ELMO1: variants seen among roughly 807,000 people sequenced by gnomAD.
ELMO1 encodes the protein engulfment and cell motility 1.
ELMO1 carries 26 observed loss-of-function variants against 98.9 expected under a neutral mutation model. The observed-to-expected ratio is 0.26, with a 90% CI of 0.19 to 0.36. The LOEUF (loss-of-function observed/expected upper bound fraction) is 0.36, where lower values mean the gene tolerates loss of function less well. Among genes scored for constraint, ELMO1 ranks in the 10% least tolerant of loss-of-function variants. The pLI is 1.00. For missense variants in ELMO1, 627 were observed against 935.2 expected (o/e 0.67, Z 4.30); for synonymous variants, 346 against 346.0 (o/e 1.00, Z 0.00).
chr7:37,349,705 C>T (rs1215758196), intron 1 of ELMO1, among the ~76,000 whole-genome samples: 1 of 152,136 alleles, frequency 6.6e-6, no homozygotes, highest in Non-Finnish European at 1.5e-5. Context: ...CTGCCCACCT[C>T]GGCCTCCCCA....
chr7:36,937,701 T>G (rs542885809), intron 16 of ELMO1, among the ~76,000 whole-genome samples: 2 of 152,368 alleles, frequency 1.3e-5, no homozygotes, highest in East Asian at 3.9e-4. Context: ...CAATAGTGTA[T>G]GCTACTGCTA....
intron 16 of ELMO1, among the ~76,000 whole-genome samples, chr7:36,937,218 G>A (rs961587748): frequency 1.3e-5 from 2 of 152,204 alleles, no homozygotes; most frequent in African/African-American, 2.4e-5. Flanking sequence ...AATTAGTTAC[G>A]ATGCAGTCAT....
chr7:37,234,229 G>T (rs527267640), intron 7 of ELMO1, among the ~76,000 whole-genome samples: 8 of 152,180 alleles, frequency 5.3e-5, no homozygotes, highest in Non-Finnish European at 7.4e-5. Context: ...AATAAAGTTG[G>T]TTATATAGAT....
chr7:36,910,834 C>A (rs1784296396), intron 16 of ELMO1, among the ~76,000 whole-genome samples: 1 of 152,154 alleles, frequency 6.6e-6, no homozygotes, highest in African/African-American at 2.4e-5. Context: ...ACACGTGGTG[C>A]CTCCCTGGCT....
chr7:37,173,117 TAATAA>T (rs1790281331), intron 13 of ELMO1, among the ~76,000 whole-genome samples: 1 of 152,258 alleles, frequency 6.6e-6, no homozygotes, highest in Admixed American at 6.5e-5. Flanking sequence ...TTAATCTGCC[TAATAA>T]AATGTTTATA....
At chr7:37,260,706 G>A (rs754095463) in intron 5 of ELMO1, among the ~76,000 whole-genome samples, 13 of 152,084 alleles carry the variant, frequency 8.5e-5, no homozygotes, top group Non-Finnish European at 1.9e-4. Flanking sequence ...GATGTGGCAG[G>A]TCTCCCATTT....
chr7:36,919,366 T>C (rs1469469654), intron 16 of ELMO1: 1 of 532,616 alleles, frequency 1.9e-6, no homozygotes, highest in Admixed American at 1.9e-5. Context: ...AGGCTATCCC[T>C]GACAAATTCC....
At chr7:37,048,401 T>C (rs1308785390) in intron 15 of ELMO1, among the ~76,000 whole-genome samples, 1 of 152,260 alleles carries the variant, frequency 6.6e-6, no homozygotes. Flanking sequence ...TTACATTATA[T>C]AACTGATTCC....
intron 16 of ELMO1, among the ~76,000 whole-genome samples, chr7:36,966,480 A>G (rs925947931): frequency 2.6e-5 from 4 of 152,254 alleles, no homozygotes; most frequent in African/African-American, 9.6e-5. Flanking sequence ...TTCTCGAAGC[A>G]GAAGCAGCAA....
At chr7:36,909,436 TG>T (rs1295558523) in intron 16 of ELMO1, among the ~76,000 whole-genome samples, 1 of 152,216 alleles carries the variant, frequency 6.6e-6, no homozygotes, top group Non-Finnish European at 1.5e-5. Context: ...TGTCTGCTGA[TG>T]GGGCAGGCAG....
At chr7:37,292,789 T>G (rs1303503638) in intron 4 of ELMO1, among the ~76,000 whole-genome samples, 6 of 58,112 alleles carry the variant, frequency 1.0e-4, no homozygotes, top group African/African-American at 1.7e-4. Context: ...GGGAGGGAGG[T>G]GGGGGGGTCA....
At position 37,225,445 on chromosome 7, in the gene ELMO1, C is replaced by T. The variant is rs1793813607; in HGVS notation, c.550-415G>A. 3.3e-5 allele frequency among the ~76,000 whole-genome samples: 5 copies of T among 152,192 alleles called. No homozygotes were observed. The South Asian group carries it at 1.0e-3, about 32-fold the overall frequency. The stretch of plus-strand genomic sequence containing the variant: ...TGCATTCCCAGGCTACTCCTTCATC[C>T]ACACAATCCATGGCTTTTATATGCT... On this transcript the variant is annotated intron_variant, in intron 8 of 21. Coordinates refer to ENST00000310758, the MANE Select transcript of ELMO1 (RefSeq NM_014800.11).
At chr7:36,942,670 G>T (rs766232870) in intron 16 of ELMO1, among the ~76,000 whole-genome samples, 7 of 152,222 alleles carry the variant, frequency 4.6e-5, no homozygotes, top group Non-Finnish European at 8.8e-5. Flanking sequence ...CTTTAAGAAA[G>T]CACTTGCTTT....
chr7:37,047,613 G>A (rs1055534071), intron 15 of ELMO1, among the ~76,000 whole-genome samples: 7 of 152,276 alleles, frequency 4.6e-5, no homozygotes, highest in South Asian at 2.1e-4. Flanking sequence ...TGACTGGGTC[G>A]TTGGGCTTAT....
intron 13 of ELMO1, among the ~76,000 whole-genome samples, chr7:37,176,906 A>G (rs971498495): frequency 6.6e-6 from 1 of 152,256 alleles, no homozygotes; most frequent in Non-Finnish European, 1.5e-5. Context: ...CAATACTGGC[A>G]TAGACCAATA....
At chr7:36,933,343 C>T (rs1170517718) in intron 16 of ELMO1, among the ~76,000 whole-genome samples, 2 of 152,172 alleles carry the variant, frequency 1.3e-5, no homozygotes, top group Non-Finnish European at 2.9e-5. Context: ...GAACTAGTCG[C>T]TTTATCTAAA....
chr7:37,319,859 A>G (rs576436305), intron 2 of ELMO1, among the ~76,000 whole-genome samples: 43 of 152,218 alleles, frequency 2.8e-4, no homozygotes, highest in African/African-American at 9.9e-4. Flanking sequence ...ATAAGTCTCC[A>G]CATCTCCAAT....
intron 13 of ELMO1, among the ~76,000 whole-genome samples, chr7:37,163,306 T>C (rs1295051776): frequency 6.6e-6 from 1 of 150,692 alleles, no homozygotes; most frequent in East Asian, 2.0e-4. Flanking sequence ...TATTATTAAA[T>C]ATCAGGTATT....
chr7:36,927,404 C>T (rs1035544836), intron 16 of ELMO1, among the ~76,000 whole-genome samples: 4 of 152,238 alleles, frequency 2.6e-5, no homozygotes, highest in African/African-American at 7.2e-5. Context: ...AACACTTTTA[C>T]GTGTTATGCC....
Sources: allele counts gnomAD v4.1 joint callset (sites outside exome capture counted in the v4.1 genomes callset), GRCh38; gene constraint gnomAD v4.1.1; transcripts MANE v1.5; gene names NCBI Gene and HGNC (gene_info 2026-07-23, HGNC 2026-07-21).